ATP7A: variants seen among roughly 807,000 people sequenced by gnomAD.
ATP7A encodes the protein ATPase copper transporting alpha, also known as copper-transporting ATPase 1.
A neutral mutation model predicts 83.5 loss-of-function variants in ATP7A; 7 were observed. The ratio of observed to expected loss-of-function variants is 0.08; its 90% confidence interval spans 0.05 to 0.16. The LOEUF is 0.16. Among genes scored for constraint, ATP7A ranks in the 10% least tolerant of loss-of-function variants. The probability of loss-of-function intolerance (pLI) is 1.00; values close to 1 mark genes in which losing one functional copy is unlikely to be tolerated. For synonymous variants in ATP7A, 354 were observed against 395.2 expected (o/e 0.90, Z 1.24); for missense variants, 940 against 1,120.8 (o/e 0.84, Z 2.30).
chrX:78,027,263 G>A (rs1269126873), intron 14 of ATP7A, among the ~76,000 whole-genome samples: 1 of 111,029 alleles, frequency 9.0e-6, no homozygotes, highest in Non-Finnish European at 1.9e-5. Flanking sequence ...AAAGTTTCAG[G>A]GTATAAAATC....
intron 13 of ATP7A, among the ~76,000 whole-genome samples, chrX:78,020,635 C>A (rs781805636): frequency 9.0e-6 from 1 of 111,127 alleles, no homozygotes; most frequent in Non-Finnish European, 1.9e-5. Flanking sequence ...GCCTCAGCCT[C>A]CCGAGTAGCT....
At position 77,942,455 on chromosome X, in the gene ATP7A, G is replaced by T. The variant is rs112957860; in HGVS notation, c.-21-29166G>T. 3.5e-3 allele frequency among the ~76,000 whole-genome samples: 386 copies of T among 108,907 alleles called. 4 individuals are homozygous for T. Among genetic ancestry groups the T allele is most frequent in the African/African-American group, 0.011 (327 of 29,933 alleles). The allele number at this position is 108,907 out of a possible 115,157, so 94.6% of individuals were successfully genotyped here. On this transcript the variant is annotated intron_variant, in intron 1 of 22. Transcript: ENST00000341514. Reference sequence around the variant, plus strand: ...AGGAACTCCTTTTTTTTTTGCGGGGGGGGTAGGGGAGCGGACAGCATCTAG... The same window carrying T: ...AGGAACTCCTTTTTTTTTTGCGGGGTGGGTAGGGGAGCGGACAGCATCTAG...
chrX:77,950,820 G>A (rs1228222106), intron 1 of ATP7A, among the ~76,000 whole-genome samples: 2 of 110,602 alleles, frequency 1.8e-5, no homozygotes, highest in East Asian at 5.6e-4. Flanking sequence ...TCAGGAGATC[G>A]AGACCATCCT....
intron 2 of ATP7A, among the ~76,000 whole-genome samples, chrX:77,978,276 G>T (rs888930182): frequency 2.7e-5 from 3 of 110,484 alleles, no homozygotes; most frequent in African/African-American, 9.9e-5. Flanking sequence ...TTTGGCTATA[G>T]GTGGTTCTTT....
intron 5 of ATP7A, among the ~76,000 whole-genome samples, chrX:78,000,899 A>C: frequency 9.0e-6 from 1 of 110,872 alleles, no homozygotes; most frequent in Middle Eastern, 4.7e-3. Flanking sequence ...TCCTGACCTC[A>C]AGTGATCCAC....
intron 1 of ATP7A, among the ~76,000 whole-genome samples, chrX:77,914,695 T>A (rs1394737155): frequency 9.0e-6 from 1 of 111,396 alleles, no homozygotes; most frequent in Non-Finnish European, 1.9e-5. Context: ...TGAGCCACTG[T>A]GCCAGGCCTT....
chrX:77,915,694 A>G (rs991374544), intron 1 of ATP7A, among the ~76,000 whole-genome samples: 7 of 111,907 alleles, frequency 6.3e-5, no homozygotes, highest in African/African-American at 1.6e-4. Context: ...TAATCAATCA[A>G]TACTTGCAAG....
chrX:77,947,594 A>T (rs1159280417), intron 1 of ATP7A, among the ~76,000 whole-genome samples: 1 of 108,297 alleles, frequency 9.2e-6, no homozygotes, highest in Non-Finnish European at 1.9e-5. Flanking sequence ...GCCCATCACC[A>T]CACCTGGCTA....
At position 77,989,338 on chromosome X, in the gene ATP7A, A is replaced by G; in HGVS notation, c.716A>G (p.Lys239Arg). Residue 239 changes from lysine to arginine, a missense_variant, in exon 4 of 23, where the codon AAA becomes AGA. Lys to Arg is a conservative substitution (Grantham distance 26). This residue lies in a region of ATP7A where 350 missense variants were observed against 432.8 expected (regional missense o/e 0.81). Transcript: ENST00000341514. ...IEAMGFPAFV[K>R]KQPKYLKLGA... ...GCTATGGGCTTTCCAGCATTTGTCA[A>G]AAAGCAGCCCAAGTACCTCAAATTG... The G allele has an allele frequency of 8.3e-7, 1 of 1,211,819 alleles. No homozygotes were observed. Among genetic ancestry groups the G allele is most frequent in the Non-Finnish European group, 1.1e-6 (1 of 895,497 alleles).
intron 1 of ATP7A, among the ~76,000 whole-genome samples, chrX:77,919,679 G>A (rs886773229): frequency 1.8e-5 from 2 of 111,803 alleles, no homozygotes; most frequent in African/African-American, 6.5e-5. Flanking sequence ...GTGGAGACGG[G>A]GTTTCACCAT....
At chrX:77,938,290 A>G (rs887394923) in intron 1 of ATP7A, among the ~76,000 whole-genome samples, 1 of 112,478 alleles carries the variant, frequency 8.9e-6, no homozygotes, top group Non-Finnish European at 1.9e-5. Flanking sequence ...TCGTGAGCAT[A>G]ACACCTACTT....
chrX:77,985,783 C>T (rs782565953), intron 2 of ATP7A, among the ~76,000 whole-genome samples: 5 of 110,797 alleles, frequency 4.5e-5, no homozygotes, highest in Admixed American at 9.7e-5. Context: ...CAGGACATAG[C>T]GCAGCCCTGT....
Position 77,951,861 on chromosome X carries a change from G to A in ATP7A, c.-21-19760G>A, listed in dbSNP as rs950124222. Among the ~76,000 whole-genome samples, 112 of 112,198 alleles carry A rather than the reference G, an allele frequency of 1.0e-3. 1 individual carries two copies. Among genetic ancestry groups the A allele is most frequent in the African/African-American group, 3.5e-3 (109 of 30,971 alleles). On this transcript the variant is annotated intron_variant, in intron 1 of 22. Transcript: ENST00000341514. ...CTCCCGAAGTGCTGGGATTATAGGCGTGAGTCACTGTGCCTGGCCAATACT... is the reference window on the plus strand; with the variant it reads ...CTCCCGAAGTGCTGGGATTATAGGCATGAGTCACTGTGCCTGGCCAATACT...
intron 17 of ATP7A, among the ~76,000 whole-genome samples, chrX:78,037,550 G>C (rs1363585671): frequency 9.0e-6 from 1 of 111,311 alleles, no homozygotes; most frequent in Non-Finnish European, 1.9e-5. Flanking sequence ...GAAAGAGAGA[G>C]TTAAGTACTG....
At position 78,038,930 on chromosome X, in the gene ATP7A, C is replaced by T. The variant is rs782173299; in HGVS notation, c.3606C>T (p.Phe1202=). The change falls in exon 18 of 23, where the codon TTC becomes TTT. Residue 1202 remains phenylalanine (F), a synonymous_variant. Transcript: ENST00000341514. Reference sequence around the variant, plus strand: ...TCATTAATAACGATGTAAATGATTTCATGACTGAACATGAGAGAAAAGGTC... The same window carrying T: ...TCATTAATAACGATGTAAATGATTTTATGACTGAACATGAGAGAAAAGGTC... The part of the protein sequence containing the change: ...GLVINNDVND[F]MTEHERKGRT... 2 of 1,210,821 alleles carry T rather than the reference C, an allele frequency of 1.7e-6. No homozygotes were observed. The highest frequency in any genetic ancestry group is 2.2e-6 in the Non-Finnish European group (2 of 894,825).
intron 4 of ATP7A, among the ~76,000 whole-genome samples, chrX:77,996,477 A>G (rs1157882677): frequency 8.9e-6 from 1 of 111,829 alleles, no homozygotes; most frequent in Non-Finnish European, 1.9e-5. Context: ...TAGAAAAATT[A>G]AAATTAAAAT....
Position 78,003,110 on chromosome X carries a change from G to A in ATP7A, c.1581G>A (p.Lys527=), listed in dbSNP as rs2149090234. The A allele has an allele frequency of 9.9e-6, 12 of 1,210,252 alleles. No homozygotes were observed. Among genetic ancestry groups the A allele is most frequent in the Non-Finnish European group, 1.2e-5 (11 of 894,353 alleles). The change falls in exon 6 of 23, where the codon AAG becomes AAA. Residue 527 remains lysine, a synonymous_variant. Transcript: ENST00000341514. ...YSILVALMAG[K]AEVRYNPAVI... ...TACTTGTGGCCCTGATGGCTGGCAA[G>A]GCAGAAGTAAGGTATAATCCTGCTG...
chrX:77,947,906 A>AT (rs2077390568), intron 1 of ATP7A, among the ~76,000 whole-genome samples: 1 of 103,934 alleles, frequency 9.6e-6, no homozygotes, highest in African/African-American at 3.5e-5. Flanking sequence ...CACCCAGCTA[A>AT]TTTTTTGTAT....
chrX:78,000,839 A>G (rs1038010995), intron 5 of ATP7A, among the ~76,000 whole-genome samples: 2 of 108,835 alleles, frequency 1.8e-5, no homozygotes, highest in South Asian at 3.9e-4. Context: ...TAATTTTTGT[A>G]TTTTTAGTAG....
Sources: allele counts gnomAD v4.1 joint callset (sites outside exome capture counted in the v4.1 genomes callset), GRCh38; gene constraint gnomAD v4.1.1; regional missense constraint gnomAD v4.1.1; transcripts MANE v1.5; gene names NCBI Gene and HGNC (gene_info 2026-07-23, HGNC 2026-07-21).